Variants in MAP2K7 observed in about 807,000 individuals in gnomAD.
MAP2K7 encodes mitogen-activated protein kinase kinase 7.
A neutral mutation model predicts 47.7 loss-of-function variants in MAP2K7; 12 were observed. The observed-to-expected ratio is 0.25, with a 90% CI of 0.16 to 0.41. MAP2K7 has a LOEUF of 0.41. MAP2K7 is among the 10% of genes least tolerant of loss of function. MAP2K7 has a pLI of 1.00. For missense variants in MAP2K7, 415 were observed against 600.3 expected, an observed-to-expected ratio of 0.69 and a Z score of 3.23; for synonymous variants, 299 against 243.0, an observed-to-expected ratio of 1.23 and a Z score of -2.14.
At chr19:7,904,912 C>G (rs1193103608) in intron 1 of MAP2K7, among the ~76,000 whole-genome samples, 1 of 151,968 alleles carries the variant, frequency 6.6e-6, no homozygotes, top group South Asian at 2.1e-4. Flanking sequence ...GACTCTAGGC[C>G]TGCTCCCGCC....
At position 7,903,920 on chromosome 19, in the gene MAP2K7, C is replaced by T. The variant is rs547869973; in HGVS notation, c.-25C>T. ...CGGACTGACGGGCGGCCGGGCGGTG[C>T]GCGGCGGCGGTGGCGGCGGGGAAGA... On this transcript the variant is annotated 5_prime_UTR_variant, in exon 1 of 11. Coordinates refer to ENST00000397979, the MANE Select transcript of MAP2K7 (RefSeq NM_145185.4). 53 of 1,492,814 alleles carry T rather than the reference C, an allele frequency of 3.6e-5. 2 individuals are homozygous for T. The East Asian group carries it at 5.2e-4, about 15-fold the overall frequency. 92.5% of individuals were successfully genotyped at this position (1,492,814 alleles called of 1,614,324 possible).
chr19:7,909,827 C>T lies in MAP2K7; in HGVS notation c.197C>T (p.Thr66Met), dbSNP rs746839170. 73 of 1,540,134 alleles carry T rather than the reference C, an allele frequency of 4.7e-5. No homozygotes were observed. Among genetic ancestry groups the T allele is most frequent in the Non-Finnish European group, 5.5e-5 (63 of 1,143,842 alleles). The change falls in exon 2 of 11, where the codon ACG (threonine) becomes ATG (methionine). Residue 66 changes from threonine to methionine, a missense_variant. By Grantham distance (81) the Thr-to-Met change is moderately conservative. This residue lies in a region of MAP2K7 where 115 missense variants were observed against 126.2 expected (regional missense o/e 0.91). Coordinates refer to ENST00000397979, the MANE Select transcript of MAP2K7 (RefSeq NM_145185.4). ...TCAGAGAGCTCCCCGCAGCACCCCACGCCCCCCGCCCGGCCCCGCCACATG... is the reference window on the plus strand; with the variant it reads ...TCAGAGAGCTCCCCGCAGCACCCCATGCCCCCCGCCCGGCCCCGCCACATG... ...PSSESSPQHP[T>M]PPARPRHMLG...
At position 7,904,080 on chromosome 19, in the gene MAP2K7, G is replaced by A. The variant is rs747586710; in HGVS notation, c.124+12G>A. The A allele has an allele frequency of 1.4e-5, 18 of 1,328,768 alleles. No homozygotes were observed. The highest frequency in any genetic ancestry group is 4.6e-5 in the African/African-American group (3 of 65,888). The allele number at this position is 1,328,768 out of a possible 1,614,324, so 82.3% of individuals were successfully genotyped here. On this transcript the variant is annotated intron_variant, in intron 1 of 10. Coordinates refer to ENST00000397979, the MANE Select transcript of MAP2K7 (RefSeq NM_145185.4). ...GCGGCCCAGGCCCAGTAAGCACGGC[G>A]GCGTGGGGGAGGGGGCGGGCGGGCG...
intron 1 of MAP2K7, among the ~76,000 whole-genome samples, chr19:7,908,063 G>A (rs1483744107): frequency 6.6e-6 from 1 of 152,094 alleles, no homozygotes; most frequent in African/African-American, 2.4e-5. Context: ...TACTCAGGAG[G>A]CTGAGGCAGG....
At chr19:7,906,362 CAAG>C (rs1243180129) in intron 1 of MAP2K7, 2 of 156,596 alleles carry the variant, frequency 1.3e-5, no homozygotes, top group African/African-American at 4.8e-5. Context: ...GCCCACTGGA[CAAG>C]GAGCACATTC....
intron 1 of MAP2K7, chr19:7,905,695 G>A (rs754432219): frequency 2.2e-5 from 20 of 919,066 alleles, no homozygotes; most frequent in South Asian, 4.0e-5. Flanking sequence ...TCTGCAGTTC[G>A]GTGCCTCCCC....
chr19:7,908,948 C>T (rs541166810), intron 1 of MAP2K7, among the ~76,000 whole-genome samples: 1 of 152,236 alleles, frequency 6.6e-6, no homozygotes, highest in East Asian at 1.9e-4. Context: ...TGCCTGCTGC[C>T]TGCCCGCCGC....
At position 7,904,067 on chromosome 19, in the gene MAP2K7, C is replaced by T; in HGVS notation, c.123C>T (p.Pro41=). Residue 41 remains proline, a splice_region_variant and synonymous_variant, in exon 1 of 11, where the codon CCC becomes CCT. Transcript: ENST00000397979. ...ATATCAGCCCCCAGCGGCCCAGGCC[C>T]AGTAAGCACGGCGGCGTGGGGGAGG... ...NLDISPQRPR[P]TLQLPLANDG... 8.1e-7 allele frequency: 1 copy of T among 1,234,656 alleles called. No individual in the cohort carries two copies. The highest frequency in any genetic ancestry group is 1.7e-5 in the South Asian group (1 of 58,882). 76.5% of individuals were successfully genotyped at this position (1,234,656 alleles called of 1,614,324 possible).
At position 7,910,116 on chromosome 19, in the gene MAP2K7, C is replaced by T; in HGVS notation, c.320C>T (p.Thr107Ile). 6.2e-7 allele frequency: 1 copy of T among 1,606,494 alleles called. No homozygotes were observed. The highest frequency in any genetic ancestry group is 8.5e-7 in the Non-Finnish European group (1 of 1,177,206). Residue 107 changes from threonine to isoleucine, a missense_variant, in exon 3 of 11, where the codon ACC (threonine) becomes ATC (isoleucine). Thr to Ile is a moderately conservative substitution (Grantham distance 89). Around this residue, in one of 3 missense-constraint regions of MAP2K7, gnomAD observed 206 missense variants for 368.8 expected, o/e 0.56. Transcript: ENST00000397979. ...QEIMKQTGYL[T>I]IGGQRYQAEI... is the part of the protein sequence containing the mutation. ...ATCATGAAGCAGACGGGCTACCTGA[C>T]CATCGGGGGCCAGGTACCACCTTCA...
chr19:7,910,688 C>T lies in MAP2K7; in HGVS notation c.568-8C>T, dbSNP rs1240679174. The T allele has an allele frequency of 6.2e-7, 1 of 1,607,942 alleles. No individual in the cohort carries two copies. Among genetic ancestry groups the T allele is most frequent in the Admixed American group, 1.7e-5 (1 of 59,702 alleles). ...ACACAGCTCCCCCGGGTGCCCCTCT[C>T]CCTGCAGACGGACGTCTTCATCGCC... is the stretch of plus-strand genomic sequence containing the variant. On this transcript the variant is annotated splice_region_variant and splice_polypyrimidine_tract_variant and intron_variant, in intron 5 of 10. Transcript: ENST00000397979.
At chr19:7,904,300 A>C (rs116836415) in intron 1 of MAP2K7, among the ~76,000 whole-genome samples, 11,082 of 152,186 alleles carry the variant, frequency 0.073, 427 homozygotes, top group Middle Eastern at 0.099. Flanking sequence ...TCCCGGACCC[A>C]GGCGAGGCCC....
chr19:7,910,702 G>A lies in MAP2K7; in HGVS notation c.574G>A (p.Val192Ile). ...CFGTFITNTD[V>I]FIAMELMGTC... is the part of the protein sequence containing the mutation. ...GGTGCCCCTCTCCCTGCAGACGGACGTCTTCATCGCCATGGAGCTCATGGG... is the reference window on the plus strand; with the variant it reads ...GGTGCCCCTCTCCCTGCAGACGGACATCTTCATCGCCATGGAGCTCATGGG... The change falls in exon 6 of 11, where the codon GTC (valine) becomes ATC (isoleucine). Residue 192 changes from valine (V) to isoleucine (I), a missense_variant. By Grantham distance (29) the Val-to-Ile change is conservative. Around this residue, in one of 3 missense-constraint regions of MAP2K7, gnomAD observed 206 missense variants for 368.8 expected, o/e 0.56. Coordinates refer to ENST00000397979, the MANE Select transcript of MAP2K7 (RefSeq NM_145185.4). The A allele has an allele frequency of 1.2e-6, 2 of 1,609,318 alleles. No individual in the cohort carries two copies. Among genetic ancestry groups the A allele is most frequent in the Non-Finnish European group, 1.7e-6 (2 of 1,177,508 alleles).
At chr19:7,907,391 T>TGTGC (rs995118922) in intron 1 of MAP2K7, among the ~76,000 whole-genome samples, 3 of 152,214 alleles carry the variant, frequency 2.0e-5, no homozygotes, top group African/African-American at 7.2e-5. Flanking sequence ...GGGTGTGTGT[T>TGTGC]GTGCGTGCGT....
intron 1 of MAP2K7, 148 bp downstream of exon 1, chr19:7,904,216 G>C: frequency 1.5e-6 from 1 of 670,150 alleles, no homozygotes; most frequent in Non-Finnish European, 2.0e-6. Flanking sequence ...GCGGGGCGAG[G>C]GTCACGGTGA....
chr19:7,908,473 G>A (rs996049879), intron 1 of MAP2K7, among the ~76,000 whole-genome samples: 1 of 152,172 alleles, frequency 6.6e-6, no homozygotes, highest in Non-Finnish European at 1.5e-5. Flanking sequence ...CGGGAGGGAC[G>A]GGGTTTAGCT....
At chr19:7,909,368 C>T (rs1982665576) in intron 1 of MAP2K7, among the ~76,000 whole-genome samples, 2 of 152,356 alleles carry the variant, frequency 1.3e-5, no homozygotes, top group Middle Eastern at 3.4e-3. Context: ...GCCTATCCAT[C>T]CTGTGGGTGC....
At chr19:7,904,349 G>T in intron 1 of MAP2K7, 2 of 227,600 alleles carry the variant, frequency 8.8e-6, no homozygotes, top group Middle Eastern at 9.1e-4. Context: ...GATCCTCTGG[G>T]TCGGGCTTCC....
Position 7,904,039 on chromosome 19 carries a change from T to C in MAP2K7, c.95T>C (p.Leu32Pro), listed in dbSNP as rs1169050667. The C allele has an allele frequency of 1.4e-6, 2 of 1,394,362 alleles. No individual in the cohort carries two copies. The highest frequency in any genetic ancestry group is 2.5e-5 in the South Asian group (2 of 80,070). The allele number at this position is 1,394,362 out of a possible 1,614,324, so 86.4% of individuals were successfully genotyped here. ...GCCCGGCGGAGGATCGACCTCAACC[T>C]GGATATCAGCCCCCAGCGGCCCAGG... The part of the protein sequence containing the change: ...REARRRIDLN[L>P]DISPQRPRPT... Residue 32 changes from leucine (L) to proline (P), a missense_variant, in exon 1 of 11, where the codon CTG becomes CCG. Leu to Pro is a moderately conservative substitution (Grantham distance 98). Around this residue, in one of 3 missense-constraint regions of MAP2K7, gnomAD observed 115 missense variants for 126.2 expected, o/e 0.91. Coordinates refer to ENST00000397979, the MANE Select transcript of MAP2K7 (RefSeq NM_145185.4).
At chr19:7,909,959 TG>T in intron 2 of MAP2K7, 63 bp downstream of exon 2, 1 of 1,506,334 alleles carries the variant, frequency 6.6e-7, no homozygotes, top group Non-Finnish European at 8.9e-7. Flanking sequence ...GTGCCAGCCC[TG>T]GGAGGAGGGT....
Sources: gnomAD v4.1 joint callset for allele counts (sites outside exome capture counted in the v4.1 genomes callset) on GRCh38, gnomAD v4.1.1 for gene constraint, gnomAD v4.1.1 regional missense constraint, MANE v1.5 for transcripts, NCBI Gene and HGNC (gene_info 2026-07-23, HGNC 2026-07-21) for gene names.